CCDC88A: variants seen among roughly 807,000 people sequenced by gnomAD.
The protein encoded by CCDC88A is girdin.
Under a neutral mutation model 234.3 loss-of-function variants are expected in CCDC88A, and 54 were observed. The ratio of observed to expected loss-of-function variants is 0.23; its 90% CI spans 0.19 to 0.29. CCDC88A has a LOEUF of 0.29. CCDC88A is among the 10% of genes least tolerant of loss of function. The pLI is 1.00. For missense variants in CCDC88A, 1,832 were observed against 2,123.4 expected (o/e 0.86, Z 2.70); for synonymous variants, 753 against 737.8 (o/e 1.02, Z -0.33).
At chr2:55,395,488 G>A (rs1902056) in intron 2 of CCDC88A, among the ~76,000 whole-genome samples, 140,292 of 152,310 alleles carry the variant, frequency 0.92, 64,868 homozygotes, top group African/African-American at 0.97. Flanking sequence ...TTCTCACTAG[G>A]TTCTAAGTTC....
intron 3 of CCDC88A, among the ~76,000 whole-genome samples, chr2:55,375,406 C>A (rs1395061012): frequency 6.8e-6 from 1 of 147,542 alleles, no homozygotes; most frequent in South Asian, 2.1e-4. Context: ...TGCTCTTTTT[C>A]TTCTTGTTAG....
intron 31 of CCDC88A, chr2:55,294,981 TTTG>T (rs1679853747): frequency 1.7e-6 from 2 of 1,198,906 alleles, no homozygotes; most frequent in South Asian, 3.3e-5. Flanking sequence ...CAAATGATAT[TTTG>T]TTAACAGCAA....
chr2:55,368,090 G>A (rs1487403512), intron 5 of CCDC88A, among the ~76,000 whole-genome samples: 2 of 152,092 alleles, frequency 1.3e-5, no homozygotes, highest in African/African-American at 4.8e-5. Flanking sequence ...ACTACTTCAG[G>A]GCTAGGATGA....
chr2:55,412,329 A>T (rs1680642812), intron 2 of CCDC88A, among the ~76,000 whole-genome samples: 1 of 152,208 alleles, frequency 6.6e-6, no homozygotes, highest in Admixed American at 6.5e-5. Flanking sequence ...GAAGAGCAGG[A>T]ATTGGTTAGT....
intron 7 of CCDC88A, chr2:55,361,846 T>G (rs1671365404): frequency 6.6e-6 from 1 of 152,442 alleles, no homozygotes; most frequent in Admixed American, 6.5e-5. Flanking sequence ...ACACCTCATT[T>G]GAGATCTTTT....
chr2:55,348,690 C>T (rs1413697533), intron 9 of CCDC88A: 6 of 152,000 alleles, frequency 3.9e-5, no homozygotes, highest in African/African-American at 1.5e-4. Flanking sequence ...GGCTTGAGAC[C>T]AAAAAGACTG....
intron 3 of CCDC88A, among the ~76,000 whole-genome samples, chr2:55,385,650 C>A (rs972037505): frequency 6.6e-6 from 1 of 151,118 alleles, no homozygotes; most frequent in South Asian, 2.1e-4. Context: ...GTCAGGAGTT[C>A]GAGACAAGCC....
chr2:55,353,151 A>G (rs1670117678), intron 8 of CCDC88A, among the ~76,000 whole-genome samples: 1 of 152,192 alleles, frequency 6.6e-6, no homozygotes, highest in African/African-American at 2.4e-5. Flanking sequence ...AAATTTCATC[A>G]ATCTCCTCAA....
chr2:55,375,671 G>A (rs1387975946), intron 3 of CCDC88A, among the ~76,000 whole-genome samples: 1 of 151,304 alleles, frequency 6.6e-6, no homozygotes, highest in African/African-American at 2.4e-5. Context: ...GGGACTAGAG[G>A]CGCCTACCAC....
chr2:55,356,772 A>G (rs192248774), intron 7 of CCDC88A: 50 of 152,314 alleles, frequency 3.3e-4, no homozygotes, highest in African/African-American at 1.2e-3. Context: ...TGTACTAAAA[A>G]TACCAAAAAA....
chr2:55,347,381 AT>A (rs1213003777), intron 9 of CCDC88A, among the ~76,000 whole-genome samples: 2 of 152,084 alleles, frequency 1.3e-5, no homozygotes, highest in Non-Finnish European at 2.9e-5. Flanking sequence ...TTTCACTTTC[AT>A]TCTCTCATGA....
At chr2:55,379,734 A>C (rs1674271821) in intron 3 of CCDC88A, among the ~76,000 whole-genome samples, 1 of 151,650 alleles carries the variant, frequency 6.6e-6, no homozygotes, top group Non-Finnish European at 1.5e-5. Flanking sequence ...ATCAACATGG[A>C]GAAACCTTGT....
At position 55,401,470 on chromosome 2, in the gene CCDC88A, A is replaced by ATATATGTG. The variant is rs367863063; in HGVS notation, c.165-12585_165-12584insCACATATA. 3.2e-4 allele frequency among the ~76,000 whole-genome samples: 10 copies of ATATATGTG among 31,516 alleles called. 1 individual carries two copies. The highest frequency in any genetic ancestry group is 6.6e-4 in the African/African-American group (8 of 12,200). The allele number at this position is 31,516 out of a possible 152,430, so 20.7% of individuals were successfully genotyped here. ...AAAATATATATATATATATATACAT[A>ATATATGTG]TGTGTGTGTATGTATGTGTGTGTGT... On this transcript the variant is annotated intron_variant, in intron 2 of 32. Transcript: ENST00000436346.
At chr2:55,384,324 CA>C (rs112541690) in intron 3 of CCDC88A, among the ~76,000 whole-genome samples, 60 of 133,248 alleles carry the variant, frequency 4.5e-4, no homozygotes, top group East Asian at 8.8e-4. Flanking sequence ...AACTCCATCT[CA>C]AAAAAAAAAA....
chr2:55,406,385 T>C (rs1391128411), intron 2 of CCDC88A, among the ~76,000 whole-genome samples: 1 of 152,132 alleles, frequency 6.6e-6, no homozygotes, highest in African/African-American at 2.4e-5. Flanking sequence ...AAAAATAGAT[T>C]GGGGGTTTTG....
chr2:55,407,298 G>C (rs1315636521), intron 2 of CCDC88A, among the ~76,000 whole-genome samples: 1 of 151,956 alleles, frequency 6.6e-6, no homozygotes, highest in African/African-American at 2.4e-5. Flanking sequence ...TTAACATAAG[G>C]ATTATGTTAA....
At chr2:55,321,115 G>GAAAAAAAAAA (rs60858860) in intron 18 of CCDC88A, 4 of 105,990 alleles carry the variant, frequency 3.8e-5, no homozygotes, top group Non-Finnish European at 2.1e-5. Flanking sequence ...TCTCAGAGAA[G>GAAAAAAAAAA]AAAAAAAAAA....
At chr2:55,382,272 T>C (rs772023081) in intron 3 of CCDC88A, among the ~76,000 whole-genome samples, 8 of 152,242 alleles carry the variant, frequency 5.3e-5, no homozygotes, top group Non-Finnish European at 1.0e-4. Context: ...GTCTATTTTC[T>C]GTAGCAACTG....
At chr2:55,382,772 T>C (rs1258345208) in intron 3 of CCDC88A, among the ~76,000 whole-genome samples, 1 of 152,202 alleles carries the variant, frequency 6.6e-6, no homozygotes, top group Non-Finnish European at 1.5e-5. Context: ...ATGAAGTATA[T>C]CTTTGATAAA....
Sources: allele counts gnomAD v4.1 joint callset (sites outside exome capture counted in the v4.1 genomes callset), GRCh38; gene constraint gnomAD v4.1.1; transcripts MANE v1.5; gene names NCBI Gene and HGNC (gene_info 2026-07-23, HGNC 2026-07-21).